The following ING5 variants were observed in gnomAD, a reference collection of about 807,000 sequenced individuals.
ING5 encodes inhibitor of growth protein 5.
ING5 carries 17 observed loss-of-function variants against 37.4 expected under a neutral mutation model. The ratio of observed to expected loss-of-function variants is 0.45; its 90% CI spans 0.31 to 0.68. The LOEUF is 0.68. Among genes scored for constraint, ING5 ranks in the 30% least tolerant of loss-of-function variants. The pLI is 0.05. For synonymous variants in ING5, 123 were observed against 116.6 expected, an observed-to-expected ratio of 1.06 and a Z score of -0.36; for missense variants, 233 against 311.9, an observed-to-expected ratio of 0.75 and a Z score of 1.91.
chr2:241,697,154 G>T (rs2069642403), upstream of ING5, among the ~76,000 whole-genome samples: 1 of 151,726 alleles, frequency 6.6e-6, no homozygotes, highest in Admixed American at 6.6e-5. Context: ...GTACATGGGT[G>T]GCCAGGGGCT....
At chr2:241,724,951 A>G (rs892350320) in intron 7 of ING5, 38 bp from the exon 8 acceptor site, 10 of 1,611,840 alleles carry the variant, frequency 6.2e-6, no homozygotes, top group Non-Finnish European at 3.4e-6. Flanking sequence ...GCTGGCGGAA[A>G]TGGCGCCCAG....
intron 5 of ING5, chr2:241,721,606 A>G: frequency 1.0e-6 from 1 of 985,418 alleles, no homozygotes; most frequent in Non-Finnish European, 1.2e-6. Context: ...GCTTTCCCTG[A>G]TCGTGACTGT....
At chr2:241,715,473 T>C (rs1219237996) in intron 5 of ING5, among the ~76,000 whole-genome samples, 1 of 57,032 alleles carries the variant, frequency 1.8e-5, no homozygotes, top group African/African-American at 9.7e-5. Context: ...TGGAATAGAA[T>C]TTTTTTTTTT....
chr2:241,714,849 A>C (rs948421409), intron 5 of ING5, among the ~76,000 whole-genome samples: 5 of 151,642 alleles, frequency 3.3e-5, no homozygotes, highest in African/African-American at 1.2e-4. Flanking sequence ...GCCTGCCTCA[A>C]CCTCTCCGTG....
chr2:241,698,493 AG>A (rs1266311061), upstream of ING5, among the ~76,000 whole-genome samples: 3 of 108,200 alleles, frequency 2.8e-5, no homozygotes, highest in Admixed American at 2.4e-4. Flanking sequence ...TTTATAATAG[AG>A]GAGTGTGTGT....
intron 1 of ING5, among the ~76,000 whole-genome samples, chr2:241,703,470 G>A (rs1408805807): frequency 1.3e-5 from 2 of 152,176 alleles, no homozygotes; most frequent in African/African-American, 4.8e-5. Flanking sequence ...CTGGCAGACT[G>A]TGGGGAATGG....
rs576974512 is a variant in ING5 at position 241,720,462 on chromosome 2, G to A, written c.483-2477G>A. The A allele has an allele frequency of 1.3e-4, 137 of 1,032,138 alleles. 1 individual carries two copies. In the African/African-American group the frequency reaches 2.0e-3, roughly 15 times the overall value. 63.9% of individuals were successfully genotyped at this position (1,032,138 alleles called of 1,614,324 possible). On this transcript the variant is annotated intron_variant, in intron 5 of 7. Coordinates refer to ENST00000313552, the MANE Select transcript of ING5 (RefSeq NM_032329.6). Reference sequence around the variant, plus strand: ...TGTTCCTAGACTGCACAGATGCTCCGTGTCTCGTCTGAGATCCCGTGACCT... The same window carrying A: ...TGTTCCTAGACTGCACAGATGCTCCATGTCTCGTCTGAGATCCCGTGACCT...
At chr2:241,723,960 A>T in intron 7 of ING5, 1 of 1,247,920 alleles carries the variant, frequency 8.0e-7, no homozygotes. Flanking sequence ...CAGTGAGCTG[A>T]GATCGCGCCA....
At chr2:241,716,768 G>A (rs886779775) in intron 5 of ING5, among the ~76,000 whole-genome samples, 6 of 152,220 alleles carry the variant, frequency 3.9e-5, no homozygotes, top group South Asian at 2.1e-4. Context: ...TTCCCAGCAC[G>A]TTATTACCTT....
At chr2:241,702,190 C>A in intron 1 of ING5, 88 bp downstream of exon 1, 1 of 720,760 alleles carries the variant, frequency 1.4e-6, no homozygotes, top group Non-Finnish European at 1.8e-6. Context: ...CGCATGCAGA[C>A]CCCGTGGGCT....
chr2:241,720,335 C>G (rs1350578057), intron 5 of ING5: 5 of 1,214,854 alleles, frequency 4.1e-6, no homozygotes, highest in Non-Finnish European at 5.1e-6. Flanking sequence ...AAGGCAGGTC[C>G]TGTTCCCTGC....
chr2:241,720,474 A>G, intron 5 of ING5: 1 of 1,015,342 alleles, frequency 9.8e-7, no homozygotes, highest in Non-Finnish European at 1.2e-6. Flanking sequence ...GTCTCGTCTG[A>G]GATCCCGTGA....
intron 5 of ING5, chr2:241,719,573 TC>T (rs2070374277): frequency 6.5e-7 from 1 of 1,535,992 alleles, no homozygotes; most frequent in South Asian, 1.2e-5. Flanking sequence ...AAAGTGGGAC[TC>T]CTCCTGGTCT....
At chr2:241,689,835 C>T (rs2069522385) in intron 1 of ING5, 2 of 150,592 alleles carry the variant, frequency 1.3e-5, no homozygotes, top group African/African-American at 4.9e-5. Flanking sequence ...TGTTGCCTTC[C>T]AGAGGATGAA....
chr2:241,702,014 C>A, upstream of ING5: 1 of 1,312,228 alleles, frequency 7.6e-7, no homozygotes, highest in Non-Finnish European at 9.8e-7. Context: ...CCGCCCCCGC[C>A]TCCCGCGGCA....
chr2:241,708,455 C>A (rs973176482), intron 2 of ING5, among the ~76,000 whole-genome samples: 1 of 152,118 alleles, frequency 6.6e-6, no homozygotes, highest in Non-Finnish European at 1.5e-5. Context: ...GATCTGCCCG[C>A]CTCGGCCTCC....
intron 2 of ING5, among the ~76,000 whole-genome samples, chr2:241,704,961 C>T (rs2069858466): frequency 6.6e-6 from 1 of 152,218 alleles, no homozygotes. Flanking sequence ...TCACCCTTTC[C>T]AATCAAAATA....
At chr2:241,722,335 G>A in intron 5 of ING5, 1 of 985,374 alleles carries the variant, frequency 1.0e-6, no homozygotes. Context: ...GAGGTCCCCG[G>A]GGGAGTCCTG....
chr2:241,722,103 G>A (rs1304679204), intron 5 of ING5: 13 of 985,280 alleles, frequency 1.3e-5, no homozygotes, highest in East Asian at 1.1e-4. Context: ...GAGTAGGTGC[G>A]TGGAGGGCCC....
Sources: allele counts gnomAD v4.1 joint callset (sites outside exome capture counted in the v4.1 genomes callset), GRCh38; gene constraint gnomAD v4.1.1; transcripts MANE v1.5; gene names NCBI Gene and HGNC (gene_info 2026-07-23, HGNC 2026-07-21).